Variants in GBE1 observed in about 807,000 individuals in gnomAD.
The protein encoded by GBE1 is 1,4-alpha-glucan branching enzyme 1, also known as 1,4-alpha-glucan-branching enzyme.
GBE1 carries 70 observed loss-of-function variants against 88.8 expected under a neutral mutation model. That is an observed-to-expected ratio of 0.79 (90% CI 0.65 to 0.96). The LOEUF is 0.96. Among genes scored for constraint, GBE1 ranks in the 40% least tolerant of loss-of-function variants. GBE1 has a pLI of 0.00. For synonymous variants in GBE1, 284 were observed against 300.1 expected (o/e 0.95, Z 0.56); for missense variants, 872 against 871.0 (o/e 1.00, Z -0.01).
chr3:81,516,225 C>A (rs1224808300), intron 14 of GBE1, among the ~76,000 whole-genome samples: 1 of 151,566 alleles, frequency 6.6e-6, no homozygotes, highest in African/African-American at 2.4e-5. Flanking sequence ...TGGGCTAATG[C>A]AGCTGGTGAC....
At chr3:81,703,543 TAA>T (rs1705731013) in intron 2 of GBE1, among the ~76,000 whole-genome samples, 3 of 152,160 alleles carry the variant, frequency 2.0e-5, no homozygotes, top group African/African-American at 7.2e-5. Flanking sequence ...TATTTTATCT[TAA>T]GTTATTAATT....
chr3:81,580,996 G>A (rs1318998488), intron 11 of GBE1, among the ~76,000 whole-genome samples, 169 bp downstream of exon 11: 1 of 151,530 alleles, frequency 6.6e-6, no homozygotes, highest in East Asian at 1.9e-4. Flanking sequence ...TCCAATATAC[G>A]TAGTTTTCCT....
intron 1 of GBE1, among the ~76,000 whole-genome samples, chr3:81,721,224 T>TA (rs1706027375): frequency 5.1e-5 from 4 of 77,952 alleles, no homozygotes; most frequent in East Asian, 5.7e-4. Context: ...AATAAATAAA[T>TA]AAATAAATAA....
At position 81,523,746 on chromosome 3, in the gene GBE1, C is replaced by T. The variant is rs139251773; in HGVS notation, c.1934+11449G>A. Among the ~76,000 whole-genome samples the T allele has an allele frequency of 5.6e-3, 851 of 151,776 alleles. 11 individuals are homozygous for T. Among genetic ancestry groups the T allele is most frequent in the African/African-American group, 0.019 (777 of 41,490 alleles). ...GCTTCCATAAATGAGTGAAAACATG[C>T]AAAGTTAGTTTTTCTATTCCTGGCT... On this transcript the variant is annotated intron_variant, in intron 14 of 15. Transcript: ENST00000429644.
intron 14 of GBE1, among the ~76,000 whole-genome samples, chr3:81,505,181 T>G (rs1157072425): frequency 6.6e-6 from 1 of 152,224 alleles, no homozygotes; most frequent in Non-Finnish European, 1.5e-5. Flanking sequence ...GAATTTAGCA[T>G]GTTATTTTAT....
At chr3:81,586,244 C>T in intron 9 of GBE1, 54 bp from the exon 10 acceptor site, 2 of 1,066,132 alleles carry the variant, frequency 1.9e-6, no homozygotes, top group Non-Finnish European at 2.8e-6. Context: ...AATATTCTGA[C>T]TGTAAAGCCC....
intron 12 of GBE1, among the ~76,000 whole-genome samples, chr3:81,557,054 C>T (rs62265423): frequency 0.16 from 23,851 of 151,908 alleles, 1,980 homozygotes; most frequent in Non-Finnish European, 0.2. Flanking sequence ...CTTTCTTAAA[C>T]GATGAAGTTG....
chr3:81,650,666 T>C (rs912307792), intron 3 of GBE1, among the ~76,000 whole-genome samples: 2 of 152,200 alleles, frequency 1.3e-5, no homozygotes, highest in African/African-American at 4.8e-5. Context: ...GATAGCTTTT[T>C]ATTTATTTTA....
chr3:81,707,721 A>T (rs541264128), intron 1 of GBE1, among the ~76,000 whole-genome samples: 1 of 152,108 alleles, frequency 6.6e-6, no homozygotes, highest in African/African-American at 2.4e-5. Context: ...TATTAATCTT[A>T]GATGAGCATT....
At chr3:81,590,992 C>T in intron 9 of GBE1, 45 bp downstream of exon 9, 1 of 1,517,192 alleles carries the variant, frequency 6.6e-7, no homozygotes, top group Non-Finnish European at 8.9e-7. Flanking sequence ...ACAAAATACT[C>T]TCTATTAAAG....
intron 2 of GBE1, among the ~76,000 whole-genome samples, chr3:81,673,519 T>C (rs891646514): frequency 2.0e-5 from 3 of 151,952 alleles, no homozygotes; most frequent in African/African-American, 4.8e-5. Context: ...TTCAATGATA[T>C]GTGAAATTTA....
intron 2 of GBE1, among the ~76,000 whole-genome samples, chr3:81,704,826 TC>T (rs780558877): frequency 3.9e-5 from 6 of 152,076 alleles, no homozygotes; most frequent in Non-Finnish European, 7.4e-5. Flanking sequence ...TTACAGTCCT[TC>T]CTCCCACCAG....
intron 12 of GBE1, among the ~76,000 whole-genome samples, chr3:81,537,366 T>C (rs1703091896): frequency 6.6e-6 from 1 of 152,004 alleles, no homozygotes; most frequent in South Asian, 2.1e-4. Flanking sequence ...AAGCACAAAC[T>C]GAAGACAATT....
intron 2 of GBE1, among the ~76,000 whole-genome samples, chr3:81,705,156 A>G (rs1705756376): frequency 6.6e-6 from 1 of 152,126 alleles, no homozygotes; most frequent in Non-Finnish European, 1.5e-5. Flanking sequence ...AACAAAGTTA[A>G]GTAAATTTGG....
intron 7 of GBE1, among the ~76,000 whole-genome samples, chr3:81,625,257 T>G (rs1417004806): frequency 6.6e-6 from 1 of 152,118 alleles, no homozygotes; most frequent in African/African-American, 2.4e-5. Context: ...ACTGATAGCT[T>G]CTTCTCAGGA....
chr3:81,611,404 T>G (rs1368507808), intron 7 of GBE1, among the ~76,000 whole-genome samples: 1 of 151,996 alleles, frequency 6.6e-6, no homozygotes, highest in Non-Finnish European at 1.5e-5. Context: ...GAAAAACAAT[T>G]GGGGGAAAAT....
intron 12 of GBE1, among the ~76,000 whole-genome samples, chr3:81,572,154 G>C (rs1266265753): frequency 6.6e-6 from 1 of 152,092 alleles, no homozygotes; most frequent in Admixed American, 6.6e-5. Context: ...CCTTCCTGCA[G>C]CCTTGTGAAG....
intron 7 of GBE1, among the ~76,000 whole-genome samples, chr3:81,625,706 T>A (rs1211497846): frequency 7.9e-5 from 12 of 152,156 alleles, no homozygotes; most frequent in Non-Finnish European, 5.9e-5. Flanking sequence ...CCTCCCAAAG[T>A]GCTGAGATTA....
chr3:81,636,184 T>C (rs1704589370), intron 7 of GBE1, among the ~76,000 whole-genome samples: 1 of 152,208 alleles, frequency 6.6e-6, no homozygotes, highest in Non-Finnish European at 1.5e-5. Flanking sequence ...TTTCTTAATC[T>C]CTTTTACAGA....
Sources: allele counts gnomAD v4.1 joint callset (sites outside exome capture counted in the v4.1 genomes callset), GRCh38; gene constraint gnomAD v4.1.1; transcripts MANE v1.5; gene names NCBI Gene and HGNC (gene_info 2026-07-23, HGNC 2026-07-21).